Variants in TOX observed in about 807,000 individuals in gnomAD.
The protein encoded by TOX is thymocyte selection-associated high mobility group box protein TOX.
A neutral mutation model predicts 53.7 loss-of-function variants in TOX; 11 were observed. The observed-to-expected ratio is 0.20, with a 90% CI of 0.13 to 0.34. TOX has a LOEUF of 0.34. Ranked by LOEUF, TOX falls within the 10% of genes least tolerant of loss-of-function variation. The pLI is 1.00. For missense variants in TOX, 570 were observed against 664.6 expected, an observed-to-expected ratio of 0.86 and a Z score of 1.56; for synonymous variants, 225 against 245.3, an observed-to-expected ratio of 0.92 and a Z score of 0.77.
chr8:58,833,364 C>A (rs17227632), intron 5 of TOX, among the ~76,000 whole-genome samples: 154 of 152,290 alleles, frequency 1.0e-3, no homozygotes, highest in Admixed American at 3.9e-3. Context: ...TTGGACCAAC[C>A]CTTTCTGCTT....
intron 1 of TOX, among the ~76,000 whole-genome samples, chr8:59,045,657 A>G (rs1046557145): frequency 1.3e-5 from 2 of 152,144 alleles, no homozygotes; most frequent in African/African-American, 4.8e-5. Context: ...AGGCAAACCC[A>G]ATGCATGCTC....
intron 1 of TOX, among the ~76,000 whole-genome samples, chr8:59,095,909 A>T (rs1353795272): frequency 6.6e-6 from 1 of 152,190 alleles, no homozygotes; most frequent in Non-Finnish European, 1.5e-5. Context: ...TCAGTCATTC[A>T]TTTAACACAT....
At chr8:58,870,745 A>G (rs1811183302) in intron 3 of TOX, among the ~76,000 whole-genome samples, 1 of 152,142 alleles carries the variant, frequency 6.6e-6, no homozygotes, top group South Asian at 2.1e-4. Context: ...ATAGTCGCTT[A>G]TCTCTGGAAA....
intron 1 of TOX, among the ~76,000 whole-genome samples, chr8:59,093,544 G>C (rs1363225804): frequency 1.3e-5 from 2 of 152,124 alleles, no homozygotes; most frequent in Non-Finnish European, 1.5e-5. Context: ...CCTTAAGCCT[G>C]GTAAAATAAT....
intron 1 of TOX, among the ~76,000 whole-genome samples, chr8:59,039,845 A>AT (rs34427140): frequency 0.053 from 8,032 of 152,184 alleles, 264 homozygotes; most frequent in Middle Eastern, 0.14. Flanking sequence ...AATTTAAATA[A>AT]TTTTTTTTAA....
intron 3 of TOX, among the ~76,000 whole-genome samples, chr8:58,934,331 A>C (rs759976629): frequency 7.2e-5 from 11 of 152,104 alleles, no homozygotes; most frequent in Non-Finnish European, 1.2e-4. Flanking sequence ...AAAAACTTTC[A>C]CTCTATGTAT....
intron 1 of TOX, among the ~76,000 whole-genome samples, chr8:59,002,375 G>A (rs7838029): frequency 0.32 from 47,972 of 150,972 alleles, 8,691 homozygotes; most frequent in African/African-American, 0.49. Flanking sequence ...GGCGGATCAC[G>A]AGGTCAGGAG....
At chr8:58,991,089 T>C (rs1410693353) in intron 1 of TOX, among the ~76,000 whole-genome samples, 1 of 152,188 alleles carries the variant, frequency 6.6e-6, no homozygotes, top group Non-Finnish European at 1.5e-5. Flanking sequence ...AGTGTACAGC[T>C]AGGCTCAAAC....
intron 1 of TOX, among the ~76,000 whole-genome samples, chr8:59,108,675 CACACACACACAT>C (rs1409013570): frequency 3.3e-5 from 5 of 150,508 alleles, no homozygotes; most frequent in South Asian, 2.1e-4. Context: ...CACACACACA[CACACACACACAT>C]ACACACACAA....
chr8:58,851,434 G>T lies in TOX; in HGVS notation c.693+90C>A, dbSNP rs543442993. 5.6e-6 allele frequency: 8 copies of T among 1,430,060 alleles called. No homozygotes were observed. Among genetic ancestry groups the T allele is most frequent in the African/African-American group, 1.4e-5 (1 of 70,834 alleles). 88.6% of individuals were successfully genotyped at this position (1,430,060 alleles called of 1,614,324 possible). A position where few individuals can be genotyped will look rare whatever the true frequency, so the allele number is the denominator to read the frequency against. ...CAGGTGTCTCCCTCCAATGTTTCTC[G>T]CATGGATGATATAAACTTGTACCCA... On this transcript the variant is annotated intron_variant, in intron 4 of 8. Coordinates refer to ENST00000361421, the MANE Select transcript of TOX (RefSeq NM_014729.3). The surrounding 1 kb of genome is among the most constrained non-coding windows in gnomAD (Gnocchi z 4.4).
intron 3 of TOX, among the ~76,000 whole-genome samples, chr8:58,876,676 C>T (rs749192564): frequency 2.8e-4 from 42 of 152,000 alleles, no homozygotes; most frequent in Admixed American, 2.6e-3. Flanking sequence ...ATGTAGCTAG[C>T]GGGTAGCATA....
intron 1 of TOX, among the ~76,000 whole-genome samples, chr8:59,009,503 G>T (rs943253427): frequency 3.9e-5 from 6 of 152,048 alleles, no homozygotes; most frequent in African/African-American, 1.4e-4. Context: ...CTCCTGAGTA[G>T]CTGGGACTAC....
rs115931176 is a variant in TOX at position 58,956,212 on chromosome 8, A to G, written c.168+3731T>C. On this transcript the variant is annotated intron_variant, in intron 2 of 8. Transcript: ENST00000361421. ...TTTAGATGAACATTTATATCTTAAC[A>G]ACAGCCTCATATAAAGGACTATGAA... 4.8e-3 allele frequency among the ~76,000 whole-genome samples: 725 copies of G among 152,312 alleles called. 3 individuals carry two copies. The highest frequency in any genetic ancestry group is 0.017 in the African/African-American group (699 of 41,562).
intron 1 of TOX, among the ~76,000 whole-genome samples, chr8:59,030,282 T>C (rs1219951275): frequency 6.6e-6 from 1 of 152,182 alleles, no homozygotes; most frequent in African/African-American, 2.4e-5. Context: ...AACAGTGACA[T>C]CTTAAGATGT....
chr8:58,828,148 A>T (rs1175980497), intron 5 of TOX, among the ~76,000 whole-genome samples: 4 of 152,224 alleles, frequency 2.6e-5, no homozygotes, highest in Non-Finnish European at 5.9e-5. Context: ...ATGGTTTCAA[A>T]TGCTGACTGT....
At chr8:58,809,846 T>C (rs16924001) in intron 7 of TOX, among the ~76,000 whole-genome samples, 12,275 of 152,280 alleles carry the variant, frequency 0.081, 564 homozygotes, top group Non-Finnish European at 0.11. Flanking sequence ...TTCAAATACT[T>C]ACTGGGTATT....
At chr8:58,965,912 T>TG (rs1812889697) in intron 1 of TOX, among the ~76,000 whole-genome samples, 1 of 146,380 alleles carries the variant, frequency 6.8e-6, no homozygotes, top group African/African-American at 2.5e-5. Flanking sequence ...TTTTTTTTTT[T>TG]TTTTTTTTTT....
chr8:59,061,337 A>G (rs1369284200), intron 1 of TOX, among the ~76,000 whole-genome samples: 2 of 152,166 alleles, frequency 1.3e-5, no homozygotes, highest in Non-Finnish European at 2.9e-5. Context: ...CTGATTGTTG[A>G]GATAAAAGGC....
At chr8:58,982,380 A>C (rs1813223004) in intron 1 of TOX, among the ~76,000 whole-genome samples, 1 of 152,106 alleles carries the variant, frequency 6.6e-6, no homozygotes, top group Admixed American at 6.5e-5. Context: ...TTCGGGGAGG[A>C]TTACTCTGCC....
Sources: gnomAD v4.1 joint callset for allele counts (sites outside exome capture counted in the v4.1 genomes callset) on GRCh38, gnomAD v4.1.1 for gene constraint, Gnocchi (gnomAD v3.1) non-coding constraint, MANE v1.5 for transcripts, NCBI Gene and HGNC (gene_info 2026-07-23, HGNC 2026-07-21) for gene names.